The following CTTN variants were observed in gnomAD, a reference collection of about 807,000 sequenced individuals.
CTTN encodes the protein src substrate cortactin.
In CTTN, 28 loss-of-function variants were observed where a neutral mutation model predicts 84.0. That is an observed-to-expected ratio of 0.33 (90% CI 0.25 to 0.46). The LOEUF (loss-of-function observed/expected upper bound fraction) is 0.46, where lower values mean the gene tolerates loss of function less well. Ranked by LOEUF, CTTN falls within the 20% of genes least tolerant of loss-of-function variation. The pLI is 1.00. For synonymous variants in CTTN, 301 were observed against 288.8 expected, an observed-to-expected ratio of 1.04 and a Z score of -0.43; for missense variants, 641 against 723.8, an observed-to-expected ratio of 0.89 and a Z score of 1.31.
chr11:70,410,930 G>A (rs924240739), intron 5 of CTTN, among the ~76,000 whole-genome samples: 14 of 152,128 alleles, frequency 9.2e-5, no homozygotes, highest in South Asian at 2.1e-4. Flanking sequence ...TCTGTCCCCC[G>A]CAGAGTAGAT....
Position 70,415,710 on chromosome 11 carries a change from C to T in CTTN, c.450C>T (p.Ser150=), listed in dbSNP as rs748237143. The change falls in exon 7 of 18, where the codon TCC becomes TCT. Residue 150 remains serine (S), a synonymous_variant. Transcript: ENST00000301843. ...AGGGGAAGACTGAGAAGCATGCCTC[C>T]CAGAAAGGTAAGACGCGAAAGGTGC... ...EYQGKTEKHA[S]QKDYSSGFGG... is the part of the protein sequence containing the mutation. The T allele has an allele frequency of 4.3e-6, 7 of 1,614,008 alleles. No homozygotes were observed. In the African/African-American group the frequency reaches 8.0e-5, roughly 18 times the overall value.
chr11:70,414,508 G>T (rs756550097), intron 5 of CTTN, 34 bp from the exon 6 acceptor site: 2 of 1,493,060 alleles, frequency 1.3e-6, no homozygotes, highest in Non-Finnish European at 1.9e-6. Flanking sequence ...AGTGTTGTTG[G>T]TGTCTAATGC....
intron 1 of CTTN, among the ~76,000 whole-genome samples, chr11:70,402,982 GT>G (rs1296374933): frequency 6.6e-6 from 1 of 152,082 alleles, no homozygotes; most frequent in Non-Finnish European, 1.5e-5. Context: ...GTCATTGGCT[GT>G]TTTATTTTAG....
Position 70,419,180 on chromosome 11 carries a change from G to A in CTTN, c.569-566G>A, listed in dbSNP as rs528917555. ...GGCTGGAGTGCAGTGGCGCAATCTC[G>A]GCTCACTGCAACCTTCACCTCCTGG... On this transcript the variant is annotated intron_variant, in intron 8 of 17. Transcript: ENST00000301843. Among the ~76,000 whole-genome samples the A allele has an allele frequency of 6.7e-5, 10 of 149,476 alleles. No individual in the cohort carries two copies. The East Asian group carries it at 1.2e-3, about 18-fold the overall frequency.
Position 70,425,339 on chromosome 11 carries a change from C to CAAGGG in CTTN, c.967_968insGGGAA (p.Thr323ArgfsTer23). The CAAGGG allele has an allele frequency of 6.2e-7, 1 of 1,612,230 alleles. No homozygotes were observed. Among genetic ancestry groups the CAAGGG allele is most frequent in the Non-Finnish European group, 8.5e-7 (1 of 1,179,252 alleles). ...CATGTCCTGTCTCTGCAGAATGCGT[C>CAAGGG]AACCTTTGAGGATGTCACCCAGGTG... On this transcript the variant is annotated frameshift_variant, in exon 13 of 18. Coordinates refer to ENST00000301843, the MANE Select transcript of CTTN (RefSeq NM_005231.4). LOFTEE classifies it high-confidence loss of function.
Position 70,435,418 on chromosome 11 carries a change from TTGA to T in CTTN, c.*259_*261del. Reference sequence around the variant, plus strand: ...GGACTTTGGTAATTGGTTTTATGCATTGATGGTTTTTTTTTTCTTTTTTGCCAA... The same window carrying T: ...GGACTTTGGTAATTGGTTTTATGCATTGGTTTTTTTTTTCTTTTTTGCCAA... On this transcript the variant is annotated 3_prime_UTR_variant, in exon 18 of 18. Coordinates refer to ENST00000301843, the MANE Select transcript of CTTN (RefSeq NM_005231.4). The T allele has an allele frequency of 6.6e-7, 1 of 1,507,220 alleles. No homozygotes were observed. Among genetic ancestry groups the T allele is most frequent in the Non-Finnish European group, 8.8e-7 (1 of 1,139,056 alleles). The allele number at this position is 1,507,220 out of a possible 1,614,324, so 93.4% of individuals were successfully genotyped here. A position where few individuals can be genotyped will look rare whatever the true frequency, so the allele number is the denominator to read the frequency against.
intron 12 of CTTN, among the ~76,000 whole-genome samples, chr11:70,423,632 G>A (rs1026630425): frequency 6.6e-6 from 1 of 152,208 alleles, no homozygotes; most frequent in Non-Finnish European, 1.5e-5. Flanking sequence ...CAGGAGAGAA[G>A]GCTCAGGAGA....
intron 5 of CTTN, among the ~76,000 whole-genome samples, chr11:70,413,922 C>A (rs1565491012): frequency 1.3e-5 from 2 of 152,196 alleles, no homozygotes; most frequent in Non-Finnish European, 2.9e-5. Flanking sequence ...ACGGATCCTG[C>A]CACAGGCTGC....
intron 11 of CTTN, chr11:70,422,436 G>A: frequency 8.9e-7 from 1 of 1,125,722 alleles, no homozygotes; most frequent in Non-Finnish European, 1.2e-6. Context: ...ACTTTCATGT[G>A]GATCTGTGTT....
rs1456708947 is a variant in CTTN at position 70,436,051 on chromosome 11, CCT to C, written c.*893_*894del. ...GTGTGTGTGCCATGTCACAGCATGG[CCT>C]CTCGGCCTTGGGAAGGAAGGCAGTG... On this transcript the variant is annotated 3_prime_UTR_variant, in exon 18 of 18. Transcript: ENST00000301843. The C allele has an allele frequency of 1.1e-5, 15 of 1,424,436 alleles. No individual in the cohort carries two copies. In the African/African-American group the frequency reaches 2.2e-4, roughly 21 times the overall value. The allele number at this position is 1,424,436 out of a possible 1,614,324, so 88.2% of individuals were successfully genotyped here.
Position 70,417,074 on chromosome 11 carries a change from G to A in CTTN, c.519G>A (p.Ala173=), listed in dbSNP as rs780452438. ...GVQADRVDKS[A]VGFDYQGKTE... is the part of the protein sequence containing the mutation. ...AGGCCGACCGAGTAGACAAGAGCGC[G>A]GTGGGCTTCGACTACCAGGGCAAGA... Residue 173 remains alanine (A), a synonymous_variant, in exon 8 of 18, where the codon GCG becomes GCA. Coordinates refer to ENST00000301843, the MANE Select transcript of CTTN (RefSeq NM_005231.4). 1.9e-5 allele frequency: 30 copies of A among 1,614,088 alleles called. No homozygotes were observed. The highest frequency in any genetic ancestry group is 6.7e-5 in the Admixed American group (4 of 60,006).
intron 13 of CTTN, among the ~76,000 whole-genome samples, chr11:70,426,059 C>A: frequency 6.6e-6 from 1 of 152,164 alleles, no homozygotes; most frequent in East Asian, 1.9e-4. Flanking sequence ...ACTTTGACCA[C>A]TCGTGAGAAC....
At chr11:70,399,327 A>G (rs1246259480) in intron 1 of CTTN, among the ~76,000 whole-genome samples, 3 of 139,278 alleles carry the variant, frequency 2.2e-5, no homozygotes, top group East Asian at 4.7e-4. Flanking sequence ...GAGGAAAGGT[A>G]TAGGGTCCGA....
At chr11:70,425,488 A>G in intron 13 of CTTN, 87 bp downstream of exon 13, 1 of 921,848 alleles carries the variant, frequency 1.1e-6, no homozygotes, top group Non-Finnish European at 1.7e-6. Context: ...CCAGGAGCAG[A>G]TGCACCACTA....
chr11:70,416,582 C>T (rs1007022831), intron 7 of CTTN, among the ~76,000 whole-genome samples: 1 of 152,106 alleles, frequency 6.6e-6, no homozygotes, highest in Non-Finnish European at 1.5e-5. Context: ...CAGGTGTGTG[C>T]CACTACCCCT....
rs1180655634 is a variant in CTTN, at chr11:70,436,540, A to T, written c.*1378A>T. The T allele has an allele frequency of 1.4e-5, 11 of 764,008 alleles. No individual in the cohort carries two copies. The highest frequency in any genetic ancestry group is 1.1e-4 in the East Asian group (4 of 38,026). 47.3% of individuals were successfully genotyped at this position (764,008 alleles called of 1,614,324 possible). A position where few individuals can be genotyped will look rare whatever the true frequency, so the allele number is the denominator to read the frequency against. ...CACACCTCATAGGTATGATTTTTTT[A>T]AATTAAAGAATTCAGAATAAACATT... On this transcript the variant is annotated 3_prime_UTR_variant, in exon 18 of 18. Transcript: ENST00000301843.
intron 4 of CTTN, 121 bp downstream of exon 4, chr11:70,407,712 C>CCAT: frequency 1.3e-6 from 1 of 778,910 alleles, no homozygotes. Flanking sequence ...ATCTTCTTGA[C>CCAT]CTGATACCCA....
At chr11:70,417,820 T>C (rs985614815) in intron 8 of CTTN, among the ~76,000 whole-genome samples, 52 of 152,328 alleles carry the variant, frequency 3.4e-4, no homozygotes, top group African/African-American at 1.2e-3. Context: ...GGGAACATTC[T>C]TGTACCTGTG....
rs971050649 is a variant in CTTN, at chr11:70,415,809, G to T, written c.457+92G>T. 13 of 1,282,874 alleles carry T rather than the reference G, an allele frequency of 1.0e-5. No homozygotes were observed. The Admixed American group carries it at 1.7e-4, about 17-fold the overall frequency. 79.5% of individuals were successfully genotyped at this position (1,282,874 alleles called of 1,614,324 possible). On this transcript the variant is annotated intron_variant, in intron 7 of 17. Coordinates refer to ENST00000301843, the MANE Select transcript of CTTN (RefSeq NM_005231.4). ...GAAGCCGTTTCCCCGCGCTCCGGGGGCCCTGATGGGGAGAGTCACAGCCAC... is the reference window on the plus strand; with the variant it reads ...GAAGCCGTTTCCCCGCGCTCCGGGGTCCCTGATGGGGAGAGTCACAGCCAC...
Sources: allele counts gnomAD v4.1 joint callset (sites outside exome capture counted in the v4.1 genomes callset), GRCh38; gene constraint gnomAD v4.1.1; transcripts MANE v1.5; gene names NCBI Gene and HGNC (gene_info 2026-07-23, HGNC 2026-07-21).